The following UQCC1 variants were observed in gnomAD, a reference collection of about 807,000 sequenced individuals.
UQCC1 encodes the protein ubiquinol-cytochrome c reductase complex assembly factor 1.
Under a neutral mutation model 48.0 loss-of-function variants are expected in UQCC1, and 38 were observed. That is an observed-to-expected ratio of 0.79 (90% CI 0.61 to 1.04). The LOEUF (loss-of-function observed/expected upper bound fraction) is 1.04. UQCC1 is among the 50% of genes least tolerant of loss of function. UQCC1 has a pLI of 0.00. For missense variants in UQCC1, 368 were observed against 381.8 expected, an observed-to-expected ratio of 0.96 and a Z score of 0.30; for synonymous variants, 111 against 129.2, an observed-to-expected ratio of 0.86 and a Z score of 0.95.
intron 1 of UQCC1, among the ~76,000 whole-genome samples, chr20:35,400,747 G>A (rs188991398): frequency 3.8e-4 from 58 of 152,056 alleles, no homozygotes; most frequent in Middle Eastern, 6.8e-3. Flanking sequence ...CGCCCGCCTC[G>A]GCCTCCCAAA....
intron 2 of UQCC1, chr20:35,392,210 A>G (rs1343553087): frequency 5.4e-6 from 7 of 1,302,022 alleles, no homozygotes; most frequent in Non-Finnish European, 3.0e-6. Flanking sequence ...TTCTGAGCCA[A>G]ATCTTCCTCC....
At chr20:35,397,513 CA>C (rs376172666) in intron 1 of UQCC1, among the ~76,000 whole-genome samples, 294 of 60,978 alleles carry the variant, frequency 4.8e-3, no homozygotes, top group Middle Eastern at 0.022. Flanking sequence ...GAGACTGTCT[CA>C]AAAAAAAAAA....
chr20:35,400,499 C>CTT (rs761826611), intron 1 of UQCC1, among the ~76,000 whole-genome samples: 24 of 141,260 alleles, frequency 1.7e-4, no homozygotes, highest in African/African-American at 4.7e-4. Flanking sequence ...AAATTTTTTT[C>CTT]TTTTTTTTTT....
intron 5 of UQCC1, among the ~76,000 whole-genome samples, chr20:35,371,699 G>GAAAAA (rs57335287): frequency 7.6e-5 from 7 of 92,228 alleles, no homozygotes; most frequent in Non-Finnish European, 1.1e-4. Context: ...GGCACTTAAA[G>GAAAAA]AAAAAAAAAA....
chr20:35,379,170 T>G (rs1027164664), intron 4 of UQCC1, among the ~76,000 whole-genome samples: 2 of 152,236 alleles, frequency 1.3e-5, no homozygotes, highest in African/African-American at 4.8e-5. Context: ...AAAATGATGA[T>G]TCCAAGATAC....
In UQCC1 at chr20:35,303,585, T is replaced by A; in HGVS notation, c.*350A>T. The A allele has an allele frequency of 4.4e-6, 1 of 227,972 alleles. No individual in the cohort carries two copies. The highest frequency in any genetic ancestry group is 8.8e-6 in the Non-Finnish European group (1 of 113,098). The allele number at this position is 227,972 out of a possible 1,614,324, so 14.1% of individuals were successfully genotyped here. A position where few individuals can be genotyped will look rare whatever the true frequency, so the allele number is the denominator to read the frequency against. On this transcript the variant is annotated 3_prime_UTR_variant, in exon 10 of 10. Transcript: ENST00000374385. ...CTAGGCCACAGCAGGCCCTGGGGGG[T>A]TTCCCTTTTGAACCTACACCATCCC...
chr20:35,410,742 G>C (rs1232477308), intron 1 of UQCC1, among the ~76,000 whole-genome samples: 1 of 37,700 alleles, frequency 2.7e-5, no homozygotes. Context: ...CTAAAGGGTG[G>C]CAGGGGAAGG....
At chr20:35,329,462 G>A (rs2061233166) in intron 7 of UQCC1, among the ~76,000 whole-genome samples, 1 of 152,144 alleles carries the variant, frequency 6.6e-6, no homozygotes, top group African/African-American at 2.4e-5. Flanking sequence ...GCTAAAGAGA[G>A]GACAATGAAC....
intron 1 of UQCC1, among the ~76,000 whole-genome samples, chr20:35,401,307 G>A (rs866919448): frequency 4.6e-5 from 7 of 152,136 alleles, no homozygotes; most frequent in Middle Eastern, 3.4e-3. Context: ...TGGCCTTCTC[G>A]CACTCAGCAA....
chr20:35,345,772 A>G (rs909909691), intron 7 of UQCC1: 1 of 152,178 alleles, frequency 6.6e-6, no homozygotes, highest in African/African-American at 2.4e-5. Context: ...GAGCATATGT[A>G]ACTTTTATAA....
intron 7 of UQCC1, among the ~76,000 whole-genome samples, chr20:35,333,649 G>A (rs765255312): frequency 4.6e-5 from 7 of 150,612 alleles, no homozygotes; most frequent in Non-Finnish European, 7.4e-5. Context: ...CAGGGCAAAC[G>A]GCTCTCCAGA....
At chr20:35,354,898 G>A (rs56825482) in intron 6 of UQCC1, among the ~76,000 whole-genome samples, 1 of 152,130 alleles carries the variant, frequency 6.6e-6, no homozygotes, top group African/African-American at 2.4e-5. Flanking sequence ...TATTCCTACA[G>A]TATATTTCTG....
At chr20:35,353,165 G>T (rs1439578884) in intron 6 of UQCC1, among the ~76,000 whole-genome samples, 1 of 152,070 alleles carries the variant, frequency 6.6e-6, no homozygotes, top group Non-Finnish European at 1.5e-5. Context: ...CACTTTGGGA[G>T]GCCGAGGCAG....
chr20:35,379,797 C>T (rs911803475), intron 4 of UQCC1, among the ~76,000 whole-genome samples: 12 of 151,982 alleles, frequency 7.9e-5, no homozygotes, highest in Non-Finnish European at 1.5e-4. Flanking sequence ...CAGAGTGAGA[C>T]TCTGTCTCAA....
At chr20:35,373,409 T>C (rs776713393) in intron 5 of UQCC1, among the ~76,000 whole-genome samples, 65 of 152,216 alleles carry the variant, frequency 4.3e-4, no homozygotes, top group Non-Finnish European at 6.5e-4. Context: ...CCAGGCACAG[T>C]GGCTCACGCC....
chr20:35,385,151 G>A (rs974963957), intron 2 of UQCC1, among the ~76,000 whole-genome samples: 7 of 152,002 alleles, frequency 4.6e-5, no homozygotes, highest in South Asian at 2.1e-4. Context: ...TGTCGCCTAC[G>A]ACAAGCTCAG....
chr20:35,334,630 TCTC>T (rs963398742), intron 7 of UQCC1, among the ~76,000 whole-genome samples: 24 of 152,246 alleles, frequency 1.6e-4, no homozygotes, highest in Non-Finnish European at 2.6e-4. Context: ...ATGTTTATCT[TCTC>T]CTACTAGACT....
In UQCC1 at chr20:35,394,166, G is replaced by C; in HGVS notation, c.55C>G (p.Pro19Ala). The C allele has an allele frequency of 1.2e-6, 2 of 1,614,042 alleles. No individual in the cohort carries two copies. The highest frequency in any genetic ancestry group is 1.7e-6 in the Non-Finnish European group (2 of 1,179,970). Residue 19 changes from proline to alanine, a missense_variant, in exon 2 of 10, where the codon CCA becomes GCA. Coordinates refer to ENST00000374385, the MANE Select transcript of UQCC1 (RefSeq NM_018244.5). ...ACAGGTATCAATCGGCTGCATACTG[G>C]AACCCACTGAGAAATGCTAGTCTGG... ...RNQTSISQWV[P>A]VCSRLIPVSP...
In UQCC1 at chr20:35,374,200, G is replaced by C; in HGVS notation, c.390C>G (p.Phe130Leu). 6.2e-7 allele frequency: 1 copy of C among 1,611,086 alleles called. No homozygotes were observed. The highest frequency in any genetic ancestry group is 1.1e-5 in the South Asian group (1 of 90,684). The change falls in exon 5 of 10, where the codon TTC (phenylalanine) becomes TTG (leucine). Residue 130 changes from phenylalanine to leucine, a missense_variant. Phe to Leu is a conservative substitution (Grantham distance 22, BLOSUM62 0). Coordinates refer to ENST00000374385, the MANE Select transcript of UQCC1 (RefSeq NM_018244.5). The part of the protein sequence containing the change: ...MYTSCVEKTD[F>L]EEFFLRCQMP... ...ATAACTTACTTAGAAAGAATTCCTCGAAGTCAGTTTTCTCCACACAGCTAG... is the reference window on the plus strand; with the variant it reads ...ATAACTTACTTAGAAAGAATTCCTCCAAGTCAGTTTTCTCCACACAGCTAG...
Sources: allele counts gnomAD v4.1 joint callset (sites outside exome capture counted in the v4.1 genomes callset), GRCh38; gene constraint gnomAD v4.1.1; transcripts MANE v1.5; gene names NCBI Gene and HGNC (gene_info 2026-07-23, HGNC 2026-07-21).